The following SAMD3 variants were observed in gnomAD, a reference collection of about 807,000 sequenced individuals.
SAMD3 encodes the protein sterile alpha motif domain containing 3.
SAMD3 carries 63 observed loss-of-function variants against 58.5 expected under a neutral mutation model. The ratio of observed to expected loss-of-function variants is 1.08; its 90% CI spans 0.88 to 1.33. The LOEUF (loss-of-function observed/expected upper bound fraction) is 1.33, where lower values mean the gene tolerates loss of function less well. SAMD3 is among the 40% of genes most tolerant of loss of function. The pLI is 0.00. For missense variants in SAMD3, 604 were observed against 608.4 expected (o/e 0.99, Z 0.08); for synonymous variants, 220 against 210.3 (o/e 1.05, Z -0.40).
At chr6:130,309,642 GC>G (rs538760159) in intron 2 of SAMD3, among the ~76,000 whole-genome samples, 35 of 152,138 alleles carry the variant, frequency 2.3e-4, no homozygotes, top group Non-Finnish European at 2.8e-4. Flanking sequence ...ACAGCAAAAA[GC>G]CTAACAGTAA....
chr6:130,205,661 G>A (rs536657651), intron 5 of SAMD3, among the ~76,000 whole-genome samples: 2 of 152,170 alleles, frequency 1.3e-5, no homozygotes. Flanking sequence ...CAAGCTAAAT[G>A]TTGGGTTTAC....
chr6:130,230,537 G>A (rs928108096), intron 2 of SAMD3, among the ~76,000 whole-genome samples: 6 of 151,992 alleles, frequency 3.9e-5, no homozygotes, highest in East Asian at 1.9e-4. Context: ...ACAGGTGCCC[G>A]CCACCATGCC....
At chr6:130,320,321 T>C (rs1476040212) in intron 1 of SAMD3, among the ~76,000 whole-genome samples, 1 of 152,034 alleles carries the variant, frequency 6.6e-6, no homozygotes, top group Admixed American at 6.6e-5. Context: ...GCACTAATCA[T>C]TGAGGAAAGG....
intron 2 of SAMD3, among the ~76,000 whole-genome samples, chr6:130,229,982 A>G (rs1796497269): frequency 6.6e-6 from 1 of 152,248 alleles, no homozygotes; most frequent in South Asian, 2.1e-4. Flanking sequence ...GTCATAATTC[A>G]TAAAACAATT....
intron 9 of SAMD3, among the ~76,000 whole-genome samples, chr6:130,154,004 T>G (rs567044230): frequency 6.6e-6 from 1 of 152,086 alleles, no homozygotes; most frequent in South Asian, 2.1e-4. Context: ...TTAAGGACAC[T>G]TATGAAATTA....
chr6:130,259,687 T>C (rs543313973), intron 2 of SAMD3, among the ~76,000 whole-genome samples: 1 of 152,178 alleles, frequency 6.6e-6, no homozygotes, highest in South Asian at 2.1e-4. Context: ...AAACCTGGAC[T>C]CAATGTATTT....
In SAMD3 at chr6:130,146,140, A is replaced by G. The variant is rs778654503; in HGVS notation, c.1065T>C (p.Tyr355=). ...EFQLLTRTDI[Y]KKTRHILESY... ...ATTCCAAAATGTGCCTTGTTTTCTT[A>G]TAAATATCTGTTCTTGTAAGAAGTT... is the stretch of plus-strand genomic sequence containing the variant. Residue 355 remains tyrosine (Y), a synonymous_variant, in exon 10 of 12, where the codon TAT becomes TAC. Transcript: ENST00000439090. The G allele has an allele frequency of 1.9e-6, 3 of 1,597,716 alleles. No individual in the cohort carries two copies. The highest frequency in any genetic ancestry group is 2.6e-6 in the Non-Finnish European group (3 of 1,172,996).
intron 2 of SAMD3, among the ~76,000 whole-genome samples, chr6:130,273,254 A>G (rs1774633230): frequency 6.6e-6 from 1 of 152,120 alleles, no homozygotes; most frequent in African/African-American, 2.4e-5. Flanking sequence ...TTATCATTAT[A>G]TAATGTATTT....
chr6:130,145,470 C>T (rs1198985718), intron 10 of SAMD3, 48 bp from the exon 11 acceptor site: 1 of 1,314,848 alleles, frequency 7.6e-7, no homozygotes, highest in Non-Finnish European at 1.1e-6. Flanking sequence ...AAGCTTTTAG[C>T]AATTGTAAGC....
intron 1 of SAMD3, chr6:130,365,035 T>C (rs1429537077): frequency 8.2e-6 from 2 of 244,926 alleles, no homozygotes; most frequent in Admixed American, 6.5e-5. Flanking sequence ...GACACAAGCA[T>C]AGCACACACC....
chr6:130,181,111 T>G (rs1792289626), intron 7 of SAMD3, among the ~76,000 whole-genome samples: 1 of 151,996 alleles, frequency 6.6e-6, no homozygotes, highest in African/African-American at 2.4e-5. Flanking sequence ...CATGCCCGGC[T>G]AATTTTTGTA....
chr6:130,248,037 G>A (rs1773611702), intron 2 of SAMD3, among the ~76,000 whole-genome samples: 1 of 151,934 alleles, frequency 6.6e-6, no homozygotes. Flanking sequence ...CTTTATTGTG[G>A]CATTTATTTT....
At chr6:130,187,524 C>A (rs1001031102) in intron 5 of SAMD3, among the ~76,000 whole-genome samples, 1 of 152,008 alleles carries the variant, frequency 6.6e-6, no homozygotes, top group African/African-American at 2.4e-5. Flanking sequence ...AAAAACCAAC[C>A]CATGCCACCT....
intron 2 of SAMD3, among the ~76,000 whole-genome samples, chr6:130,263,772 T>A (rs1450092930): frequency 6.6e-6 from 1 of 152,134 alleles, no homozygotes; most frequent in Non-Finnish European, 1.5e-5. Flanking sequence ...CTCCTGACTC[T>A]CCTTAGACTG....
intron 7 of SAMD3, among the ~76,000 whole-genome samples, chr6:130,180,160 A>G (rs929969844): frequency 1.9e-4 from 29 of 151,542 alleles, no homozygotes; most frequent in African/African-American, 6.8e-4. Flanking sequence ...TTGCTCTGTC[A>G]TCCAGGCCGG....
At chr6:130,361,840 T>A (rs1282050645) in intron 1 of SAMD3, among the ~76,000 whole-genome samples, 1 of 152,230 alleles carries the variant, frequency 6.6e-6, no homozygotes, top group Non-Finnish European at 1.5e-5. Context: ...ACTCACACAG[T>A]GCCTGAGAGA....
chr6:130,172,296 C>T (rs951799347), intron 8 of SAMD3, among the ~76,000 whole-genome samples: 10 of 151,324 alleles, frequency 6.6e-5, no homozygotes, highest in South Asian at 2.1e-4. Flanking sequence ...TGCAGTTTAT[C>T]GCGGCATTGG....
At chr6:130,292,267 C>CTTTTTTTTTTTTTTT (rs1554271698) in intron 2 of SAMD3, among the ~76,000 whole-genome samples, 4 of 83,944 alleles carry the variant, frequency 4.8e-5, no homozygotes, top group African/African-American at 1.6e-4. Flanking sequence ...TTTTTTCTTT[C>CTTTTTTTTTTTTTTT]TTTCTTTTTT....
chr6:130,183,443 C>T (rs554393530), intron 7 of SAMD3: 74 of 441,778 alleles, frequency 1.7e-4, no homozygotes, highest in South Asian at 2.9e-4. Context: ...CCAGGTAAGG[C>T]TGGAGGCCCA....
Sources: allele counts gnomAD v4.1 joint callset (sites outside exome capture counted in the v4.1 genomes callset), GRCh38; gene constraint gnomAD v4.1.1; transcripts MANE v1.5; gene names NCBI Gene and HGNC (gene_info 2026-07-23, HGNC 2026-07-21).